Variants in CTNNBL1 observed in about 807,000 individuals in gnomAD.
The protein encoded by CTNNBL1 is catenin beta like 1, also known as beta-catenin-like protein 1.
Under a neutral mutation model 72.7 loss-of-function variants are expected in CTNNBL1, and 31 were observed. The ratio of observed to expected loss-of-function variants is 0.43; its 90% CI spans 0.32 to 0.58. CTNNBL1 has a LOEUF of 0.58. Ranked by LOEUF, CTNNBL1 falls within the 20% of genes least tolerant of loss-of-function variation. The pLI is 0.08. For missense variants in CTNNBL1, 534 were observed against 725.1 expected, an observed-to-expected ratio of 0.74 and a Z score of 3.03; for synonymous variants, 240 against 267.3, an observed-to-expected ratio of 0.90 and a Z score of 1.00.
chr20:37,752,972 C>T (rs6063545), intron 4 of CTNNBL1, among the ~76,000 whole-genome samples: 1 of 152,064 alleles, frequency 6.6e-6, no homozygotes, highest in Non-Finnish European at 1.5e-5. Context: ...GAGGAAAAAC[C>T]TATCACCCAT....
chr20:37,779,042 G>T, intron 9 of CTNNBL1, 145 bp from the exon 10 acceptor site: 9 of 725,256 alleles, frequency 1.2e-5, no homozygotes, highest in South Asian at 1.7e-5. Context: ...TCTCTAAAAT[G>T]GAAACTGATG....
intron 11 of CTNNBL1, among the ~76,000 whole-genome samples, chr20:37,810,164 C>T (rs1224516631): frequency 6.6e-6 from 1 of 152,110 alleles, no homozygotes; most frequent in Non-Finnish European, 1.5e-5. Context: ...CCTGAGACTA[C>T]ATAATGTATA....
At chr20:37,706,998 T>C (rs914447102) in intron 1 of CTNNBL1, among the ~76,000 whole-genome samples, 4 of 152,082 alleles carry the variant, frequency 2.6e-5, no homozygotes, top group Non-Finnish European at 5.9e-5. Flanking sequence ...CAGTAATATT[T>C]TGGAAGAAAT....
At chr20:37,711,954 T>G (rs1223190189) in intron 1 of CTNNBL1, among the ~76,000 whole-genome samples, 1 of 151,974 alleles carries the variant, frequency 6.6e-6, no homozygotes. Flanking sequence ...CCATTAGGGG[T>G]TTTAAGCTGT....
intron 1 of CTNNBL1, among the ~76,000 whole-genome samples, chr20:37,715,638 T>C (rs2072979832): frequency 1.3e-5 from 2 of 152,238 alleles, no homozygotes; most frequent in Admixed American, 6.5e-5. Context: ...GTACAGGGTT[T>C]TTCAGGCCGT....
At chr20:37,765,925 G>T (rs1252452916) in intron 6 of CTNNBL1, among the ~76,000 whole-genome samples, 1 of 152,078 alleles carries the variant, frequency 6.6e-6, no homozygotes. Flanking sequence ...ATTTAAAATT[G>T]TGTTTTGGGG....
intron 1 of CTNNBL1, among the ~76,000 whole-genome samples, chr20:37,720,554 A>T (rs918680731): frequency 6.6e-6 from 1 of 152,246 alleles, no homozygotes; most frequent in Non-Finnish European, 1.5e-5. Flanking sequence ...TGAAAAACAG[A>T]AAAATAGTTT....
At chr20:37,815,632 T>C (rs1329235010) in intron 11 of CTNNBL1, among the ~76,000 whole-genome samples, 1 of 152,178 alleles carries the variant, frequency 6.6e-6, no homozygotes, top group Non-Finnish European at 1.5e-5. Context: ...TTGGCTCTTC[T>C]AAGTGTTGTG....
At chr20:37,813,173 G>C (rs2072027274) in intron 11 of CTNNBL1, among the ~76,000 whole-genome samples, 1 of 152,190 alleles carries the variant, frequency 6.6e-6, no homozygotes, top group African/African-American at 2.4e-5. Context: ...TTTTTACCAA[G>C]TTCCACAGGA....
At position 37,842,334 on chromosome 20, in the gene CTNNBL1, T is replaced by C; in HGVS notation, c.1312-5T>C. Reference sequence around the variant, plus strand: ...TCACTCAAGCCTGTGAAATCTCTCTTTCAGGTTGACAGACTAATGGAGTTG... The same window carrying C: ...TCACTCAAGCCTGTGAAATCTCTCTCTCAGGTTGACAGACTAATGGAGTTG... On this transcript the variant is annotated splice_polypyrimidine_tract_variant and splice_region_variant and intron_variant, in intron 12 of 15. Coordinates refer to ENST00000361383, the MANE Select transcript of CTNNBL1 (RefSeq NM_030877.5). The C allele has an allele frequency of 2.5e-6, 4 of 1,607,112 alleles. No homozygotes were observed. Among genetic ancestry groups the C allele is most frequent in the Non-Finnish European group, 3.4e-6 (4 of 1,173,534 alleles).
At chr20:37,855,034 C>T (rs2072427062) in intron 13 of CTNNBL1, among the ~76,000 whole-genome samples, 1 of 151,446 alleles carries the variant, frequency 6.6e-6, no homozygotes, top group African/African-American at 2.4e-5. Flanking sequence ...TCCAGACTGC[C>T]TCACGCAATG....
At chr20:37,855,489 C>T (rs2072431806) in intron 13 of CTNNBL1, among the ~76,000 whole-genome samples, 1 of 152,208 alleles carries the variant, frequency 6.6e-6, no homozygotes, top group Admixed American at 6.5e-5. Context: ...GCTGTCCCAG[C>T]ACAGCACCTG....
At position 37,736,992 on chromosome 20, in the gene CTNNBL1, G is replaced by A. The variant is rs566568363; in HGVS notation, c.220-386G>A. On this transcript the variant is annotated intron_variant, in intron 2 of 15. Transcript: ENST00000361383. ...TAATCCCAGCACTTTGGGAGGCCAA[G>A]GTGGGCAGATCACGAGGTCAGGAGA... 4.6e-5 allele frequency among the ~76,000 whole-genome samples: 7 copies of A among 152,168 alleles called. No homozygotes were observed. The South Asian group carries it at 8.3e-4, about 18-fold the overall frequency.
chr20:37,805,693 G>A (rs990770244), intron 11 of CTNNBL1, among the ~76,000 whole-genome samples: 14 of 152,200 alleles, frequency 9.2e-5, no homozygotes, highest in East Asian at 7.7e-4. Context: ...CACTGTGTCC[G>A]GCCTGGTCCT....
rs190479579 is a variant in CTNNBL1 at position 37,762,099 on chromosome 20, A to G, written c.565-3098A>G. On this transcript the variant is annotated intron_variant, in intron 5 of 15. Coordinates refer to ENST00000361383, the MANE Select transcript of CTNNBL1 (RefSeq NM_030877.5). The stretch of plus-strand genomic sequence containing the variant: ...TGACAGCATTTTAAACAGAGCATCT[A>G]GCTGCTGTGTGGATAATGGACTGGA... 1.6e-4 allele frequency among the ~76,000 whole-genome samples: 25 copies of G among 152,284 alleles called. 1 individual carries two copies. In the East Asian group the frequency reaches 3.5e-3, roughly 21 times the overall value.
chr20:37,713,244 G>A (rs1357819658), intron 1 of CTNNBL1, among the ~76,000 whole-genome samples: 1 of 152,168 alleles, frequency 6.6e-6, no homozygotes, highest in Non-Finnish European at 1.5e-5. Context: ...GTTGCGTGGG[G>A]ATTCCATAAT....
At chr20:37,750,299 T>A (rs1424459069) in intron 4 of CTNNBL1, 1 of 152,202 alleles carries the variant, frequency 6.6e-6, no homozygotes, top group East Asian at 1.9e-4. Context: ...GATTCTGATC[T>A]GTGAAGAGCA....
At chr20:37,749,226 T>G (rs530864362) in intron 4 of CTNNBL1, among the ~76,000 whole-genome samples, 1 of 152,360 alleles carries the variant, frequency 6.6e-6, no homozygotes, top group African/African-American at 2.4e-5. Flanking sequence ...CCTGTTACCC[T>G]GTATATTATT....
At chr20:37,732,349 G>A (rs940829113) in intron 1 of CTNNBL1, among the ~76,000 whole-genome samples, 1 of 152,216 alleles carries the variant, frequency 6.6e-6, no homozygotes, top group Non-Finnish European at 1.5e-5. Flanking sequence ...GTGAGTAACT[G>A]TAAAAAAGGC....
Sources: gnomAD v4.1 joint callset for allele counts (sites outside exome capture counted in the v4.1 genomes callset) on GRCh38, gnomAD v4.1.1 for gene constraint, MANE v1.5 for transcripts, NCBI Gene and HGNC (gene_info 2026-07-23, HGNC 2026-07-21) for gene names.